SPIDR: variants seen among roughly 807,000 people sequenced by gnomAD.
SPIDR encodes the protein DNA repair-scaffolding protein.
A neutral mutation model predicts 104.6 loss-of-function variants in SPIDR; 93 were observed. The observed-to-expected ratio is 0.89, with a 90% CI of 0.75 to 1.06. The LOEUF (loss-of-function observed/expected upper bound fraction) is 1.06, where lower values mean the gene tolerates loss of function less well. SPIDR is among the 50% of genes least tolerant of loss of function. The probability of loss-of-function intolerance (pLI) is 0.00; values close to 1 mark genes in which losing one functional copy is unlikely to be tolerated. For synonymous variants in SPIDR, 431 were observed against 416.9 expected (o/e 1.03, Z -0.41); for missense variants, 1,154 against 1,111.2 (o/e 1.04, Z -0.55).
chr8:47,344,050 T>C (rs1355441290), intron 5 of SPIDR, among the ~76,000 whole-genome samples: 1 of 151,934 alleles, frequency 6.6e-6, no homozygotes, highest in Non-Finnish European at 1.5e-5. Context: ...ACATGTGCCA[T>C]GTTGGTGTGC....
At position 47,466,910 on chromosome 8, in the gene SPIDR, TATATAGATAG is replaced by T. The variant is rs1459587520; in HGVS notation, c.1097+26372_1097+26381del. Among the ~76,000 whole-genome samples the T allele has an allele frequency of 4.4e-3, 548 of 125,856 alleles. 11 individuals carry two copies. The highest frequency in any genetic ancestry group is 6.5e-3 in the Non-Finnish European group (400 of 61,916). 82.6% of individuals were successfully genotyped at this position (125,856 alleles called of 152,430 possible). On this transcript the variant is annotated intron_variant, in intron 8 of 19. Transcript: ENST00000297423. The stretch of plus-strand genomic sequence containing the variant: ...TTGAAAAAAAAAAAAAATATATATA[TATATAGATAG>T]ATAGATAGATAGATAGATAGATAGA...
intron 8 of SPIDR, among the ~76,000 whole-genome samples, chr8:47,491,271 T>G (rs2078662795): frequency 6.6e-6 from 1 of 152,036 alleles, no homozygotes; most frequent in African/African-American, 2.4e-5. Context: ...ATATATTGAA[T>G]TAAAAATGAC....
At chr8:47,371,179 A>T (rs923174756) in intron 5 of SPIDR, among the ~76,000 whole-genome samples, 1 of 150,364 alleles carries the variant, frequency 6.7e-6, no homozygotes, top group African/African-American at 2.5e-5. Flanking sequence ...TAAAGTATAG[A>T]TGCCACTACA....
intron 14 of SPIDR, among the ~76,000 whole-genome samples, chr8:47,706,209 G>A (rs568527116): frequency 2.6e-5 from 4 of 152,114 alleles, no homozygotes; most frequent in Non-Finnish European, 5.9e-5. Context: ...TGGCTAACAT[G>A]GTGAAACCCT....
chr8:47,382,826 G>T (rs547096562), intron 5 of SPIDR, among the ~76,000 whole-genome samples: 1 of 152,062 alleles, frequency 6.6e-6, no homozygotes, highest in Admixed American at 6.5e-5. Context: ...GTATATGCCC[G>T]CATTTCTCCT....
intron 6 of SPIDR, 75 bp from the exon 7 acceptor site, chr8:47,407,786 A>T (rs1164662480): frequency 1.2e-6 from 1 of 820,806 alleles, no homozygotes; most frequent in Non-Finnish European, 1.9e-6. Flanking sequence ...GTTGGGGGGT[A>T]TACAATATAA....
At chr8:47,677,293 G>A (rs905678365) in intron 11 of SPIDR, among the ~76,000 whole-genome samples, 2 of 152,126 alleles carry the variant, frequency 1.3e-5, no homozygotes, top group Non-Finnish European at 2.9e-5. Context: ...TTTTGTTGCT[G>A]TTTATTATAT....
intron 10 of SPIDR, among the ~76,000 whole-genome samples, chr8:47,655,808 T>C (rs544288282): frequency 3.2e-4 from 48 of 152,348 alleles, no homozygotes; most frequent in South Asian, 1.2e-3. Flanking sequence ...CCCATGCCTG[T>C]GTCCTGAATG....
At chr8:47,355,575 G>A (rs922093157) in intron 5 of SPIDR, among the ~76,000 whole-genome samples, 1 of 152,134 alleles carries the variant, frequency 6.6e-6, no homozygotes, top group Admixed American at 6.5e-5. Flanking sequence ...ACAAGCATAT[G>A]TTTTTACAGA....
intron 3 of SPIDR, among the ~76,000 whole-genome samples, chr8:47,287,020 A>G (rs2154232804): frequency 6.6e-6 from 1 of 152,210 alleles, no homozygotes; most frequent in Non-Finnish European, 1.5e-5. Flanking sequence ...AAATAAAGAG[A>G]AAGAGTACAA....
chr8:47,413,391 C>T (rs1420501138), intron 7 of SPIDR, among the ~76,000 whole-genome samples: 1 of 152,222 alleles, frequency 6.6e-6, no homozygotes, highest in Non-Finnish European at 1.5e-5. Context: ...AGGGCCAAAG[C>T]CAGGCCTCCT....
chr8:47,419,435 G>T (rs2065000705), intron 7 of SPIDR, among the ~76,000 whole-genome samples: 1 of 152,172 alleles, frequency 6.6e-6, no homozygotes, highest in African/African-American at 2.4e-5. Context: ...TCTGATGGTA[G>T]TTTGTATTTC....
At chr8:47,634,086 C>T (rs1291482378) in intron 10 of SPIDR, among the ~76,000 whole-genome samples, 5 of 149,982 alleles carry the variant, frequency 3.3e-5, no homozygotes, top group African/African-American at 4.9e-5. Context: ...CAGAGTAAGA[C>T]CCTGTCTCAA....
chr8:47,684,856 C>T (rs996311079), intron 11 of SPIDR, among the ~76,000 whole-genome samples: 1 of 152,070 alleles, frequency 6.6e-6, no homozygotes, highest in African/African-American at 2.4e-5. Flanking sequence ...TGTCAATTAC[C>T]CAATAATGGG....
intron 8 of SPIDR, among the ~76,000 whole-genome samples, chr8:47,515,045 T>A (rs538174948): frequency 2.0e-5 from 3 of 152,276 alleles, no homozygotes; most frequent in African/African-American, 7.2e-5. Flanking sequence ...AGAGCATATG[T>A]CCTCCTTTTG....
At chr8:47,627,308 C>G (rs1207271933) in intron 10 of SPIDR, among the ~76,000 whole-genome samples, 1 of 151,966 alleles carries the variant, frequency 6.6e-6, no homozygotes, top group Non-Finnish European at 1.5e-5. Context: ...TTAATGGGTG[C>G]AGCACAGCAA....
chr8:47,364,296 G>A (rs181782345), intron 5 of SPIDR, among the ~76,000 whole-genome samples: 76 of 152,220 alleles, frequency 5.0e-4, no homozygotes, highest in Middle Eastern at 3.4e-3. Context: ...TGTTCCTTTG[G>A]TCCCTTCTGT....
chr8:47,647,646 GAGAGA>G (rs1563415952), intron 10 of SPIDR, among the ~76,000 whole-genome samples: 1 of 148,474 alleles, frequency 6.7e-6, no homozygotes, highest in African/African-American at 2.5e-5. Flanking sequence ...GAGAGAGAGA[GAGAGA>G]GAGGGAGAGA....
intron 8 of SPIDR, among the ~76,000 whole-genome samples, chr8:47,533,209 C>T (rs2086310513): frequency 6.6e-6 from 1 of 151,976 alleles, no homozygotes; most frequent in Middle Eastern, 3.4e-3. Context: ...TGAATTAAAT[C>T]ATAAATAGAA....
Sources: gnomAD v4.1 joint callset for allele counts (sites outside exome capture counted in the v4.1 genomes callset) on GRCh38, gnomAD v4.1.1 for gene constraint, MANE v1.5 for transcripts, NCBI Gene and HGNC (gene_info 2026-07-23, HGNC 2026-07-21) for gene names.